SLC4A3: variants seen among roughly 807,000 people sequenced by gnomAD.
SLC4A3 encodes solute carrier family 4 member 3, also known as anion exchange protein 3.
A neutral mutation model predicts 114.2 loss-of-function variants in SLC4A3; 47 were observed. The ratio of observed to expected loss-of-function variants is 0.41; its 90% confidence interval spans 0.33 to 0.52. SLC4A3 has a LOEUF of 0.52. SLC4A3 is among the 20% of genes least tolerant of loss of function. SLC4A3 has a pLI of 0.21. For missense variants in SLC4A3, 1,312 were observed against 1,668.3 expected (o/e 0.79, Z 3.72); for synonymous variants, 693 against 710.3 (o/e 0.98, Z 0.39).
rs2106179096 is a variant in SLC4A3 at position 219,628,385 on chromosome 2, G to A, written c.52-20G>A. ...CTTCATGGGTCAGGGGTCCTTAGCA[G>A]AGGCCGTCTGGGCCTGCAGGTCCGG... is the stretch of plus-strand genomic sequence containing the variant. On this transcript the variant is annotated intron_variant, in intron 2 of 22. Transcript: ENST00000358055. The surrounding 1 kb of genome is among the most constrained non-coding windows in gnomAD (Gnocchi z 4.8). 6.3e-7 allele frequency: 1 copy of A among 1,598,036 alleles called. No homozygotes were observed. Among genetic ancestry groups the A allele is most frequent in the Non-Finnish European group, 8.5e-7 (1 of 1,173,608 alleles).
chr2:219,634,554 A>G lies in SLC4A3; in HGVS notation c.1696A>G (p.Thr566Ala), dbSNP rs199592659. 125 of 1,614,084 alleles carry G rather than the reference A, an allele frequency of 7.7e-5. No homozygotes were observed. The highest frequency in any genetic ancestry group is 2.0e-4 in the Admixed American group (12 of 60,008). ...FVMLGPSHTS[T>A]DYHELGRSIA... ...GATGCTGGGGCCCAGCCACACCAGC[A>G]CTGACTATCACGAGCTTGGGCGCTC... The change falls in exon 12 of 23, where the codon ACT becomes GCT. Residue 566 changes from threonine (T) to alanine (A), a missense_variant. Thr to Ala is a moderately conservative substitution (Grantham distance 58). This residue lies in a region of SLC4A3 where 771 missense variants were observed against 977.7 expected (regional missense o/e 0.79). Coordinates refer to ENST00000358055, the MANE Select transcript of SLC4A3 (RefSeq NM_005070.4).
chr2:219,630,047 G>A lies in SLC4A3; in HGVS notation c.612-106G>A. The stretch of plus-strand genomic sequence containing the variant: ...CCTTTGCTGCCCAGGAGGGGCCTGG[G>A]TCTCATGCTCAGGGTCTACTCCAGG... On this transcript the variant is annotated intron_variant, in intron 5 of 22. Transcript: ENST00000358055. This position sits in a 1 kb window ranked among gnomAD's most constrained non-coding sequence, Gnocchi z 6.9. 2.0e-6 allele frequency: 3 copies of A among 1,529,602 alleles called. No homozygotes were observed. The highest frequency in any genetic ancestry group is 1.4e-5 in the African/African-American group (1 of 72,554). 94.8% of individuals were successfully genotyped at this position (1,529,602 alleles called of 1,614,324 possible).
chr2:219,634,384 C>G, intron 11 of SLC4A3, 36 bp from the exon 12 acceptor site: 1 of 1,607,474 alleles, frequency 6.2e-7, no homozygotes, highest in Non-Finnish European at 8.5e-7. Context: ...GACTGCTTCT[C>G]TTTGCCCAGC....
chr2:219,641,023 C>G lies in SLC4A3; in HGVS notation c.3621+61C>G. 1 of 1,492,320 alleles carries G rather than the reference C, an allele frequency of 6.7e-7. No homozygotes were observed. Among genetic ancestry groups the G allele is most frequent in the Non-Finnish European group, 9.1e-7 (1 of 1,098,470 alleles). The allele number at this position is 1,492,320 out of a possible 1,614,324, so 92.4% of individuals were successfully genotyped here. On this transcript the variant is annotated intron_variant, in intron 22 of 22. Transcript: ENST00000358055. The surrounding 1 kb of genome is among the most constrained non-coding windows in gnomAD (Gnocchi z 4.0). ...GCAAATGGGCACTGGGTTCCAATCTCTGTTTGGCCACCCACTAGTTGTGTT... is the reference window on the plus strand; with the variant it reads ...GCAAATGGGCACTGGGTTCCAATCTGTGTTTGGCCACCCACTAGTTGTGTT...
In SLC4A3 at chr2:219,630,735, C is replaced by T. The variant is rs1430317094; in HGVS notation, c.811+383C>T. ...TCTGAGCCATTGCTCCGGACCCCTG[C>T]CTCTCCCTGTGTCAGGACCCTTCAC... On this transcript the variant is annotated intron_variant, in intron 6 of 22. Transcript: ENST00000358055. The surrounding 1 kb of genome is among the most constrained non-coding windows in gnomAD (Gnocchi z 6.9). Among the ~76,000 whole-genome samples the T allele has an allele frequency of 2.6e-5, 4 of 152,198 alleles. No homozygotes were observed. The highest frequency in any genetic ancestry group is 1.9e-4 in the East Asian group (1 of 5,174).
chr2:219,638,043 C>T lies in SLC4A3; in HGVS notation c.2767-121C>T. 1 of 825,014 alleles carries T rather than the reference C, an allele frequency of 1.2e-6. No individual in the cohort carries two copies. Among genetic ancestry groups the T allele is most frequent in the East Asian group, 2.7e-5 (1 of 37,598 alleles). 51.1% of individuals were successfully genotyped at this position (825,014 alleles called of 1,614,324 possible). On this transcript the variant is annotated intron_variant, in intron 17 of 22. Transcript: ENST00000358055. The surrounding 1 kb of genome is among the most constrained non-coding windows in gnomAD (Gnocchi z 7.5). ...CGCTGGCACCTGTGGGGTTGAGAGG[C>T]ACGTGGGGGGCCTTCTGGCTCCAGC...
Position 219,628,944 on chromosome 2 carries a change from T to C in SLC4A3, c.218-200T>C, listed in dbSNP as rs1351279351. Among the ~76,000 whole-genome samples, 2 of 152,048 alleles carry C rather than the reference T, an allele frequency of 1.3e-5. No homozygotes were observed. Among genetic ancestry groups the C allele is most frequent in the Non-Finnish European group, 2.9e-5 (2 of 67,994 alleles). On this transcript the variant is annotated intron_variant, in intron 3 of 22. Transcript: ENST00000358055. This position sits in a 1 kb window ranked among gnomAD's most constrained non-coding sequence, Gnocchi z 4.8. ...TCCCAGCCCCCTTCATGACCTTCCC[T>C]GTCCATCCACCCTCTCCTCCCACTC...
rs746744383 is a variant in SLC4A3 at position 219,635,900 on chromosome 2, CT to C, written c.2191+10del. Reference sequence around the variant, plus strand: ...CTTCGGGGGGCTGCTGGGTAAGGGACTGGGGCTTGGGGAGTTGAGGGGCTCC... The same window carrying C: ...CTTCGGGGGGCTGCTGGGTAAGGGACGGGGCTTGGGGAGTTGAGGGGCTCC... On this transcript the variant is annotated intron_variant, in intron 14 of 22. Coordinates refer to ENST00000358055, the MANE Select transcript of SLC4A3 (RefSeq NM_005070.4). The C allele has an allele frequency of 2.0e-6, 3 of 1,493,416 alleles. No individual in the cohort carries two copies. The Admixed American group carries it at 7.6e-5, about 38-fold the overall frequency. 92.5% of individuals were successfully genotyped at this position (1,493,416 alleles called of 1,614,324 possible).
Position 219,627,754 on chromosome 2 carries a change from G to A in SLC4A3, c.-94+9G>A. The A allele has an allele frequency of 6.1e-6, 2 of 329,580 alleles. No individual in the cohort carries two copies. Among genetic ancestry groups the A allele is most frequent in the Middle Eastern group, 1.7e-3 (2 of 1,204 alleles). The allele number at this position is 329,580 out of a possible 1,614,324, so 20.4% of individuals were successfully genotyped here. A position where few individuals can be genotyped will look rare whatever the true frequency, so the allele number is the denominator to read the frequency against. On this transcript the variant is annotated intron_variant, in intron 1 of 22. Coordinates refer to ENST00000358055, the MANE Select transcript of SLC4A3 (RefSeq NM_005070.4). The stretch of plus-strand genomic sequence containing the variant: ...GGCTCCGGAGCCCCGAGGTACCGCG[G>A]GGCGGGGCACGCCGGGCAGGGCGGG...
intron 14 of SLC4A3, 66 bp downstream of exon 14, chr2:219,635,957 C>T (rs1414594899): frequency 1.2e-5 from 15 of 1,294,570 alleles, no homozygotes; most frequent in Non-Finnish European, 1.5e-5. Flanking sequence ...GTGTCACTTG[C>T]AGGATTCTGG....
Position 219,636,937 on chromosome 2 carries a change from C to T in SLC4A3, c.2535+63C>T. 7.2e-7 allele frequency: 1 copy of T among 1,393,320 alleles called. No homozygotes were observed. Among genetic ancestry groups the T allele is most frequent in the Admixed American group, 1.7e-5 (1 of 57,252 alleles). 86.3% of individuals were successfully genotyped at this position (1,393,320 alleles called of 1,614,324 possible). ...GAGGTGGACATTGCCCTGGGGAGGA[C>T]AGCATGGGAGGGGGAGGTATGGAGA... On this transcript the variant is annotated intron_variant, in intron 16 of 22. Transcript: ENST00000358055. This position sits in a 1 kb window ranked among gnomAD's most constrained non-coding sequence, Gnocchi z 5.5.
intron 12 of SLC4A3, 31 bp downstream of exon 12, chr2:219,634,635 T>C: frequency 6.2e-7 from 1 of 1,606,764 alleles, no homozygotes. Flanking sequence ...CAAGGCCTCT[T>C]CTCCTAGGCC....
In SLC4A3 at chr2:219,627,632, C is replaced by T. The variant is rs1698759570; in HGVS notation, c.-207C>T. On this transcript the variant is annotated 5_prime_UTR_variant, in exon 1 of 23. Coordinates refer to ENST00000358055, the MANE Select transcript of SLC4A3 (RefSeq NM_005070.4). Reference sequence around the variant, plus strand: ...CCGGCGCCTGCGTCCGCCCGGCCAGCCCGGCTCTGCGCTGCGAGAGGCCGG... The same window carrying T: ...CCGGCGCCTGCGTCCGCCCGGCCAGTCCGGCTCTGCGCTGCGAGAGGCCGG... The T allele has an allele frequency of 6.6e-6, 1 of 151,542 alleles. No homozygotes were observed. The highest frequency in any genetic ancestry group is 1.5e-5 in the Non-Finnish European group (1 of 67,982). 9.4% of individuals were successfully genotyped at this position (151,542 alleles called of 1,614,324 possible).
chr2:219,635,822 T>G lies in SLC4A3; in HGVS notation c.2122T>G (p.Cys708Gly). ...SDLRDALHSQ[C>G]VAAVLFIYFA... is the part of the protein sequence containing the mutation. ...CCTGCGAGATGCGCTGCACTCCCAGTGTGTGGCCGCTGTGCTCTTCATCTA... is the reference window on the plus strand; with the variant it reads ...CCTGCGAGATGCGCTGCACTCCCAGGGTGTGGCCGCTGTGCTCTTCATCTA... Residue 708 changes from cysteine to glycine, a missense_variant, in exon 14 of 23, where the codon TGT becomes GGT. Physicochemically the swap from Cys to Gly is radical, Grantham distance 159. This residue lies in a region of SLC4A3 where 771 missense variants were observed against 977.7 expected (regional missense o/e 0.79). Coordinates refer to ENST00000358055, the MANE Select transcript of SLC4A3 (RefSeq NM_005070.4). 6.3e-7 allele frequency: 1 copy of G among 1,589,160 alleles called. No homozygotes were observed. The highest frequency in any genetic ancestry group is 8.6e-7 in the Non-Finnish European group (1 of 1,169,452).
Position 219,637,357 on chromosome 2 carries a change from T to G in SLC4A3, c.2536-224T>G, listed in dbSNP as rs945869690. ...TGTATGTGGTATGTTGTGTTTTTTT[T>G]GTGTTGTATGTGTTATGTGTGTGTT... On this transcript the variant is annotated intron_variant, in intron 16 of 22. Transcript: ENST00000358055. The surrounding 1 kb of genome is among the most constrained non-coding windows in gnomAD (Gnocchi z 4.6). Among the ~76,000 whole-genome samples, 4 of 151,722 alleles carry G rather than the reference T, an allele frequency of 2.6e-5. No individual in the cohort carries two copies. Among genetic ancestry groups the G allele is most frequent in the Admixed American group, 6.6e-5 (1 of 15,196 alleles).
Position 219,633,377 on chromosome 2 carries a change from C to T in SLC4A3, c.1381C>T (p.Pro461Ser), listed in dbSNP as rs750413372. 22 of 1,605,568 alleles carry T rather than the reference C, an allele frequency of 1.4e-5. No homozygotes were observed. The highest frequency in any genetic ancestry group is 1.7e-5 in the Non-Finnish European group (20 of 1,174,836). The change falls in exon 10 of 23, where the codon CCT (proline) becomes TCT (serine). Residue 461 changes from proline (P) to serine (S), a missense_variant. Physicochemically the swap from Pro to Ser is moderately conservative, Grantham distance 74 (BLOSUM62 -1). Coordinates refer to ENST00000358055, the MANE Select transcript of SLC4A3 (RefSeq NM_005070.4). ...GNHHPTPSHG[P>S]DGAVPTMADD... ...TCATCACCCAACTCCCAGCCATGGC[C>T]CTGATGGGGCGGTGCCTACCATGGC... is the stretch of plus-strand genomic sequence containing the variant.
chr2:219,632,013 A>G lies in SLC4A3; in HGVS notation c.857A>G (p.Lys286Arg), dbSNP rs1034020778. The change falls in exon 7 of 23, where the codon AAA becomes AGA. Residue 286 changes from lysine (K) to arginine (R), a missense_variant. This residue lies in a region of SLC4A3 where 771 missense variants were observed against 977.7 expected (regional missense o/e 0.79). Coordinates refer to ENST00000358055, the MANE Select transcript of SLC4A3 (RefSeq NM_005070.4). The stretch of plus-strand genomic sequence containing the variant: ...CCTGGTGTGCGGCGACACTTAGTGA[A>G]AAAGCCCTCCCGGACGCAGGGCGGG... ...DNPGVRRHLV[K>R]KPSRTQGGRG... 5 of 1,612,924 alleles carry G rather than the reference A, an allele frequency of 3.1e-6. No individual in the cohort carries two copies. Among genetic ancestry groups the G allele is most frequent in the African/African-American group, 2.7e-5 (2 of 74,742 alleles).
chr2:219,629,542 G>T, intron 4 of SLC4A3, 38 bp from the exon 5 acceptor site: 2 of 1,589,382 alleles, frequency 1.3e-6, no homozygotes, highest in Non-Finnish European at 1.7e-6. Context: ...TGTATGGTAG[G>T]TCGGGGCAAG....
chr2:219,632,911 A>G lies in SLC4A3; in HGVS notation c.1179A>G (p.Pro393=), dbSNP rs1698979091. 5 of 1,613,994 alleles carry G rather than the reference A, an allele frequency of 3.1e-6. No homozygotes were observed. Among genetic ancestry groups the G allele is most frequent in the Non-Finnish European group, 4.2e-6 (5 of 1,180,030 alleles). The stretch of plus-strand genomic sequence containing the variant: ...TGGACCTGGAGCAAACCACCCTGCC[A>G]GGCATTGCACACCTCGTGGTGGAGA... The part of the protein sequence containing the change: ...ALLDLEQTTL[P]GIAHLVVETM... Residue 393 remains proline (P), a synonymous_variant, in exon 9 of 23, where the codon CCA becomes CCG. Coordinates refer to ENST00000358055, the MANE Select transcript of SLC4A3 (RefSeq NM_005070.4).
Sources: gnomAD v4.1 joint callset for allele counts (sites outside exome capture counted in the v4.1 genomes callset) on GRCh38, gnomAD v4.1.1 for gene constraint, gnomAD v4.1.1 regional missense constraint, Gnocchi (gnomAD v3.1) non-coding constraint, MANE v1.5 for transcripts, NCBI Gene and HGNC (gene_info 2026-07-23, HGNC 2026-07-21) for gene names.